PCDHB10: variants seen among roughly 807,000 people sequenced by gnomAD.
PCDHB10 encodes the protein protocadherin beta 10.
For missense variants in PCDHB10, 1,046 were observed against 1,004.7 expected, an observed-to-expected ratio of 1.04 and a Z score of -0.56; for synonymous variants, 448 against 449.2, an observed-to-expected ratio of 1.00 and a Z score of 0.04.
rs1363369736 is a variant in PCDHB10 at position 141,195,530 on chromosome 5, A to G, written c.*575A>G. ...TAAGCATGCTACTTTTACTTGGCCA[A>G]TATTTTCTTATGTTAACTTTTGCTG... On this transcript the variant is annotated 3_prime_UTR_variant, in exon 1 of 1. Coordinates refer to ENST00000239446, the MANE Select transcript of PCDHB10 (RefSeq NM_018930.4). 1 of 166,802 alleles carries G rather than the reference A, an allele frequency of 6.0e-6. No individual in the cohort carries two copies. Among genetic ancestry groups the G allele is most frequent in the Non-Finnish European group, 1.5e-5 (1 of 68,010 alleles). 10.3% of individuals were successfully genotyped at this position (166,802 alleles called of 1,614,324 possible).
chr5:141,193,250 T>C lies in PCDHB10; in HGVS notation c.698T>C (p.Leu233Ser), dbSNP rs553997304. The C allele has an allele frequency of 1.2e-6, 2 of 1,614,100 alleles. No homozygotes were observed. The highest frequency in any genetic ancestry group is 2.7e-5 in the African/African-American group (2 of 74,994). ...SGTSTVRIVV[L>S]DVNDNAPQFA... ...ACCTCTACTGTACGCATCGTTGTCT[T>C]GGACGTCAATGACAATGCCCCACAG... Residue 233 changes from leucine to serine, a missense_variant, in exon 1 of 1, where the codon TTG becomes TCG. Physicochemically the swap from Leu to Ser is moderately radical, Grantham distance 145. Coordinates refer to ENST00000239446, the MANE Select transcript of PCDHB10 (RefSeq NM_018930.4).
At position 141,192,903 on chromosome 5, in the gene PCDHB10, C is replaced by G. The variant is rs782257216; in HGVS notation, c.351C>G (p.Tyr117Ter). The change falls in exon 1 of 1, where the codon TAC (tyrosine) becomes TAG (stop). Residue 117 changes from tyrosine (Y) to a stop codon, truncating the protein, a stop_gained. Transcript: ENST00000239446. LOFTEE classifies it low-confidence loss of function (END_TRUNC). ...QILMDDPFQI[Y>*]RAELRVRDIN... ...TAATGGATGATCCCTTTCAGATTTA[C>G]CGGGCTGAGCTGAGAGTCAGGGATA... 1.2e-6 allele frequency: 2 copies of G among 1,613,854 alleles called. No homozygotes were observed.
Position 141,192,627 on chromosome 5 carries a change from G to T in PCDHB10, c.75G>T (p.Leu25Phe). The T allele has an allele frequency of 6.2e-7, 1 of 1,614,070 alleles. No homozygotes were observed. Among genetic ancestry groups the T allele is most frequent in the Non-Finnish European group, 8.5e-7 (1 of 1,180,030 alleles). Residue 25 changes from leucine to phenylalanine, a missense_variant, in exon 1 of 1, where the codon TTG becomes TTT. Leu to Phe is a conservative substitution (Grantham distance 22). Coordinates refer to ENST00000239446, the MANE Select transcript of PCDHB10 (RefSeq NM_018930.4). ...LFLFLFWGVS[L>F]AGSGFGRYSV... ...TTTTTCTTTTTTGGGGAGTGTCCTT[G>T]GCAGGTTCTGGGTTTGGACGTTATT... is the stretch of plus-strand genomic sequence containing the variant.
In PCDHB10 at chr5:141,193,762, A is replaced by C. The variant is rs61743526; in HGVS notation, c.1210A>C (p.Ile404Leu). The part of the protein sequence containing the change: ...KPSVENFYIL[I>L]TEGALDREIR... ...TTCTGTGGAGAATTTTTACATCCTA[A>C]TTACAGAAGGCGCGCTGGACAGAGA... The change falls in exon 1 of 1, where the codon ATT becomes CTT. Residue 404 changes from isoleucine to leucine, a missense_variant. By Grantham distance (5) the Ile-to-Leu change is conservative. Transcript: ENST00000239446. 5,007 of 1,614,128 alleles carry C rather than the reference A, an allele frequency of 3.1e-3. 135 individuals carry two copies. The African/African-American group carries it at 0.048, about 16-fold the overall frequency.
In PCDHB10 at chr5:141,193,718, T is replaced by G. The variant is rs1554284140; in HGVS notation, c.1166T>G (p.Leu389Arg). The change falls in exon 1 of 1, where the codon CTG (leucine) becomes CGG (arginine). Residue 389 changes from leucine (L) to arginine (R), a missense_variant. By Grantham distance (102) the Leu-to-Arg change is moderately radical. Coordinates refer to ENST00000239446, the MANE Select transcript of PCDHB10 (RefSeq NM_018930.4). ...ATGGTTTGCTACATTCAAGAGAATC[T>G]GCCATTCCTACTAAAACCTTCTGTG... ...GKMVCYIQEN[L>R]PFLLKPSVEN... is the part of the protein sequence containing the mutation. 6.2e-7 allele frequency: 1 copy of G among 1,614,182 alleles called. No individual in the cohort carries two copies. Among genetic ancestry groups the G allele is most frequent in the South Asian group, 1.1e-5 (1 of 91,088 alleles).
At position 141,192,915 on chromosome 5, in the gene PCDHB10, G is replaced by GA; in HGVS notation, c.364dup (p.Arg122LysfsTer7). On this transcript the variant is annotated frameshift_variant, in exon 1 of 1. Transcript: ENST00000239446. LOFTEE classifies it low-confidence loss of function (END_TRUNC). ...CCTTTCAGATTTACCGGGCTGAGCT[G>GA]AGAGTCAGGGATATAAATGATCACG... is the stretch of plus-strand genomic sequence containing the variant. The GA allele has an allele frequency of 1.2e-6, 2 of 1,614,076 alleles. No individual in the cohort carries two copies. Among genetic ancestry groups the GA allele is most frequent in the Admixed American group, 1.7e-5 (1 of 60,020 alleles).
chr5:141,194,172 G>C lies in PCDHB10; in HGVS notation c.1620G>C (p.Ala540=), dbSNP rs17844581. ...RVGATDRGSP[A]LSREALVRVL... The stretch of plus-strand genomic sequence containing the variant: ...GCGCCACAGACCGCGGCTCCCCCGC[G>C]CTGAGCAGAGAGGCGCTGGTGCGCG... Residue 540 remains alanine (A), a synonymous_variant, in exon 1 of 1, where the codon GCG becomes GCC. Transcript: ENST00000239446. 1 of 1,604,066 alleles carries C rather than the reference G, an allele frequency of 6.2e-7. No homozygotes were observed. The highest frequency in any genetic ancestry group is 1.1e-5 in the South Asian group (1 of 90,818).
In PCDHB10 at chr5:141,195,053, A is replaced by G. The variant is rs970156816; in HGVS notation, c.*98A>G. 7.5e-7 allele frequency: 1 copy of G among 1,334,426 alleles called. No individual in the cohort carries two copies. The highest frequency in any genetic ancestry group is 1.5e-5 in the African/African-American group (1 of 68,022). The allele number at this position is 1,334,426 out of a possible 1,614,324, so 82.7% of individuals were successfully genotyped here. On this transcript the variant is annotated 3_prime_UTR_variant, in exon 1 of 1. Transcript: ENST00000239446. ...AAATTTAAGTTATTATGCAACTTCA[A>G]GCATTATTTTCAAGTAGTATACCCC... is the stretch of plus-strand genomic sequence containing the variant.
At position 141,194,037 on chromosome 5, in the gene PCDHB10, C is replaced by T. The variant is rs1322848092; in HGVS notation, c.1485C>T (p.Asp495=). Residue 495 remains aspartate, a synonymous_variant, in exon 1 of 1, where the codon GAC becomes GAT. Coordinates refer to ENST00000239446, the MANE Select transcript of PCDHB10 (RefSeq NM_018930.4). ...QVTYSLLPPQ[D]PHLPLASLVS... is the part of the protein sequence containing the mutation. ...CCTACTCGCTGCTGCCGCCCCAAGA[C>T]CCGCACCTGCCCCTCGCCTCCCTGG... is the stretch of plus-strand genomic sequence containing the variant. 31 of 1,608,350 alleles carry T rather than the reference C, an allele frequency of 1.9e-5. No homozygotes were observed. The highest frequency in any genetic ancestry group is 2.1e-5 in the Non-Finnish European group (25 of 1,178,008).
chr5:141,192,467 G>T lies in PCDHB10; in HGVS notation c.-86G>T. 6.6e-7 allele frequency: 1 copy of T among 1,512,510 alleles called. No homozygotes were observed. Among genetic ancestry groups the T allele is most frequent in the Non-Finnish European group, 8.9e-7 (1 of 1,125,468 alleles). The allele number at this position is 1,512,510 out of a possible 1,614,324, so 93.7% of individuals were successfully genotyped here. A position where few individuals can be genotyped will look rare whatever the true frequency, so the allele number is the denominator to read the frequency against. On this transcript the variant is annotated 5_prime_UTR_variant, in exon 1 of 1. Transcript: ENST00000239446. ...GACAAAAAAGACCCCTGGGCTACAC[G>T]GCGTAGGTGCAGGGTTTCCTACTGC... is the stretch of plus-strand genomic sequence containing the variant.
Position 141,193,362 on chromosome 5 carries a change from C to T in PCDHB10, c.810C>T (p.Asp270=), listed in dbSNP as rs782685119. ...TTAAGGTATGGGCAGAAGATGTAGA[C>T]TCTGGAGTCAACGCGGAAGTATCCT... ...LIVKVWAEDV[D]SGVNAEVSYS... The change falls in exon 1 of 1, where the codon GAC becomes GAT. Residue 270 remains aspartate, a synonymous_variant. Transcript: ENST00000239446. 22 of 1,614,096 alleles carry T rather than the reference C, an allele frequency of 1.4e-5. No individual in the cohort carries two copies. The highest frequency in any genetic ancestry group is 4.0e-5 in the African/African-American group (3 of 74,926).
rs1201326299 is a variant in PCDHB10, at chr5:141,193,741, G to C, written c.1189G>C (p.Val397Leu). The C allele has an allele frequency of 6.2e-7, 1 of 1,614,070 alleles. No individual in the cohort carries two copies. The highest frequency in any genetic ancestry group is 1.7e-5 in the Admixed American group (1 of 60,014). Residue 397 changes from valine to leucine, a missense_variant, in exon 1 of 1, where the codon GTG becomes CTG. Transcript: ENST00000239446. Reference protein sequence around the residue: ...ENLPFLLKPSVENFYILITEG... With the variant: ...ENLPFLLKPSLENFYILITEG... ...TCTGCCATTCCTACTAAAACCTTCT[G>C]TGGAGAATTTTTACATCCTAATTAC...
rs1361848145 is a variant in PCDHB10 at position 141,194,799 on chromosome 5, G to C, written c.2247G>C (p.Gln749His). 9 of 1,614,024 alleles carry C rather than the reference G, an allele frequency of 5.6e-6. No homozygotes were observed. The highest frequency in any genetic ancestry group is 7.6e-6 in the Non-Finnish European group (9 of 1,180,038). The change falls in exon 1 of 1, where the codon CAG (glutamine) becomes CAC (histidine). Residue 749 changes from glutamine to histidine, a missense_variant. Transcript: ENST00000239446. ...VDVRGAETLS[Q>H]SYQYEVCLTG... ...TGAGGGGCGCTGAGACCCTGTCCCA[G>C]AGCTACCAGTATGAGGTGTGTCTGA... is the stretch of plus-strand genomic sequence containing the variant.
In PCDHB10 at chr5:141,194,106, G is replaced by T. The variant is rs782084372; in HGVS notation, c.1554G>T (p.Ser518=). 3.7e-6 allele frequency: 6 copies of T among 1,605,424 alleles called. No homozygotes were observed. The highest frequency in any genetic ancestry group is 2.7e-5 in the African/African-American group (2 of 74,638). The change falls in exon 1 of 1, where the codon TCG becomes TCT. Residue 518 remains serine (S), a synonymous_variant. Transcript: ENST00000239446. ...ADNGHLFALR[S]LDYEALQAFE... Reference sequence around the variant, plus strand: ...ACGGCCACCTGTTCGCCCTCAGGTCGCTGGACTACGAGGCCCTGCAGGCTT... The same window carrying T: ...ACGGCCACCTGTTCGCCCTCAGGTCTCTGGACTACGAGGCCCTGCAGGCTT...
rs1554284596 is a variant in PCDHB10 at position 141,195,134 on chromosome 5, TA to T, written c.*181del. The T allele has an allele frequency of 1.5e-5, 9 of 592,166 alleles. No homozygotes were observed. The highest frequency in any genetic ancestry group is 2.5e-5 in the Non-Finnish European group (9 of 357,036). The allele number at this position is 592,166 out of a possible 1,614,324, so 36.7% of individuals were successfully genotyped here. On this transcript the variant is annotated 3_prime_UTR_variant, in exon 1 of 1. Coordinates refer to ENST00000239446, the MANE Select transcript of PCDHB10 (RefSeq NM_018930.4). The stretch of plus-strand genomic sequence containing the variant: ...GCATTAATAACAACTGGGTTTAATT[TA>T]ATGAGTATTTTTTTCTAAATGATAG...
In PCDHB10 at chr5:141,195,441, G is replaced by C. The variant is rs1754033205; in HGVS notation, c.*486G>C. 6.0e-6 allele frequency: 1 copy of C among 167,478 alleles called. No individual in the cohort carries two copies. Among genetic ancestry groups the C allele is most frequent in the African/African-American group, 2.4e-5 (1 of 41,548 alleles). 10.4% of individuals were successfully genotyped at this position (167,478 alleles called of 1,614,324 possible). A position where few individuals can be genotyped will look rare whatever the true frequency, so the allele number is the denominator to read the frequency against. ...TATGCTCATGACAAAATGAAACAAA[G>C]CATATTGTGAGCAATACTGAACATC... On this transcript the variant is annotated 3_prime_UTR_variant, in exon 1 of 1. Coordinates refer to ENST00000239446, the MANE Select transcript of PCDHB10 (RefSeq NM_018930.4).
rs1337144540 is a variant in PCDHB10, at chr5:141,195,160, G to A, written c.*205G>A. 2.0e-6 allele frequency: 1 copy of A among 511,764 alleles called. No individual in the cohort carries two copies. Among genetic ancestry groups the A allele is most frequent in the African/African-American group, 2.0e-5 (1 of 50,466 alleles). 31.7% of individuals were successfully genotyped at this position (511,764 alleles called of 1,614,324 possible). A position where few individuals can be genotyped will look rare whatever the true frequency, so the allele number is the denominator to read the frequency against. On this transcript the variant is annotated 3_prime_UTR_variant, in exon 1 of 1. Transcript: ENST00000239446. ...AATGAGTATTTTTTTCTAAATGATA[G>A]TGTTAAGGTTTTAATTCTTTCCAAC...
rs564223995 is a variant in PCDHB10, at chr5:141,192,378, G to C, written c.-175G>C. 5 of 776,836 alleles carry C rather than the reference G, an allele frequency of 6.4e-6. 1 individual carries two copies. The African/African-American group carries it at 8.8e-5, about 14-fold the overall frequency. The allele number at this position is 776,836 out of a possible 1,614,324, so 48.1% of individuals were successfully genotyped here. A position where few individuals can be genotyped will look rare whatever the true frequency, so the allele number is the denominator to read the frequency against. ...GGATGCTATGCAAGTCACTAATAAA[G>C]GAAGACACGGACAGATGAACTTAAA... On this transcript the variant is annotated 5_prime_UTR_variant, in exon 1 of 1. Transcript: ENST00000239446.
In PCDHB10 at chr5:141,194,547, C is replaced by T. The variant is rs1291875652; in HGVS notation, c.1995C>T (p.Gly665=). The T allele has an allele frequency of 1.3e-6, 2 of 1,579,046 alleles. No homozygotes were observed. Among genetic ancestry groups the T allele is most frequent in the Non-Finnish European group, 1.7e-6 (2 of 1,166,412 alleles). Residue 665 remains glycine, a synonymous_variant, in exon 1 of 1, where the codon GGC becomes GGT. Transcript: ENST00000239446. ...CGCTGCACTTGCTCCTGGTGGACGG[C>T]TTCTCCCAGCCCTACCTGCCTCTCC... ...TATLHLLLVD[G]FSQPYLPLPE...
Sources: gnomAD v4.1 joint callset for allele counts on GRCh38, gnomAD v4.1.1 for gene constraint, MANE v1.5 for transcripts, NCBI Gene and HGNC (gene_info 2026-07-23, HGNC 2026-07-21) for gene names.